DLG2: variants seen among roughly 807,000 people sequenced by gnomAD.
DLG2 encodes disks large homolog 2.
Under a neutral mutation model 132.5 loss-of-function variants are expected in DLG2, and 45 were observed. That is an observed-to-expected ratio of 0.34 (90% confidence interval 0.27 to 0.44). DLG2 has a LOEUF of 0.44. DLG2 is among the 20% of genes least tolerant of loss of function. DLG2 has a pLI of 1.00. For missense variants in DLG2, 1,045 were observed against 1,196.9 expected (o/e 0.87, Z 1.87); for synonymous variants, 424 against 419.6 (o/e 1.01, Z -0.13).
At chr11:85,032,432 T>C (rs145359253) in intron 6 of DLG2, among the ~76,000 whole-genome samples, 2,048 of 152,308 alleles carry the variant, frequency 0.013, 25 homozygotes, top group South Asian at 0.042. Flanking sequence ...AATATCCTGT[T>C]TGAGAATGAA....
chr11:84,781,811 C>T (rs1164040017), intron 6 of DLG2, among the ~76,000 whole-genome samples: 1 of 152,128 alleles, frequency 6.6e-6, no homozygotes, highest in Non-Finnish European at 1.5e-5. Flanking sequence ...TCCATGTCCT[C>T]AGTGCTGAAC....
chr11:83,525,119 T>C (rs745367964), intron 21 of DLG2, among the ~76,000 whole-genome samples: 2 of 152,182 alleles, frequency 1.3e-5, no homozygotes, highest in Non-Finnish European at 2.9e-5. Flanking sequence ...AAATAGACTA[T>C]GAGGAATACA....
intron 6 of DLG2, among the ~76,000 whole-genome samples, chr11:84,861,653 C>T (rs1284964633): frequency 1.3e-5 from 1 of 75,834 alleles, no homozygotes; most frequent in South Asian, 5.1e-4. Context: ...AAAAAAAAAC[C>T]TATCAGAGGG....
intron 3 of DLG2, among the ~76,000 whole-genome samples, chr11:85,446,059 C>G (rs185076306): frequency 6.6e-6 from 1 of 152,204 alleles, no homozygotes; most frequent in African/African-American, 2.4e-5. Context: ...ATCCCTTCCT[C>G]TTTAAGTAAA....
In DLG2 at chr11:83,633,781, CAA is replaced by C. The variant is rs1491061839; in HGVS notation, c.1826-458_1826-457del. Among the ~76,000 whole-genome samples the C allele has an allele frequency of 5.7e-4, 84 of 146,202 alleles. No individual in the cohort carries two copies. In the East Asian group the frequency reaches 9.4e-3, roughly 16 times the overall value. The stretch of plus-strand genomic sequence containing the variant: ...ACACACACACACACACACACACACA[CAA>C]CTGCGGAAAATCTGAATAATATCGA... On this transcript the variant is annotated intron_variant, in intron 18 of 27. Transcript: ENST00000376104.
intron 6 of DLG2, among the ~76,000 whole-genome samples, chr11:85,008,826 C>T (rs761431251): frequency 1.3e-5 from 2 of 151,822 alleles, no homozygotes; most frequent in Admixed American, 1.3e-4. Flanking sequence ...TAAACAAGAA[C>T]ATTTCATATA....
At chr11:83,681,377 G>A (rs898559952) in intron 18 of DLG2, among the ~76,000 whole-genome samples, 3 of 152,110 alleles carry the variant, frequency 2.0e-5, no homozygotes, top group African/African-American at 7.2e-5. Context: ...ACCCAAATGA[G>A]ACCAAAATGC....
chr11:84,377,125 A>T (rs2098732487), intron 7 of DLG2, among the ~76,000 whole-genome samples: 1 of 152,094 alleles, frequency 6.6e-6, no homozygotes, highest in East Asian at 1.9e-4. Context: ...TACATGCACC[A>T]TCTGTGAAGT....
intron 6 of DLG2, among the ~76,000 whole-genome samples, chr11:84,708,484 A>G (rs1195674342): frequency 2.6e-5 from 4 of 151,896 alleles, no homozygotes; most frequent in African/African-American, 9.7e-5. Context: ...TTCTAGTGGA[A>G]GAACAAAGGT....
chr11:85,092,699 G>T (rs2068993026), intron 6 of DLG2, among the ~76,000 whole-genome samples: 1 of 150,504 alleles, frequency 6.6e-6, no homozygotes, highest in South Asian at 2.1e-4. Context: ...CTGGAGTGCA[G>T]TGACACGATC....
At chr11:84,120,989 C>A (rs1213313982) in intron 9 of DLG2, among the ~76,000 whole-genome samples, 1 of 152,194 alleles carries the variant, frequency 6.6e-6, no homozygotes, top group Non-Finnish European at 1.5e-5. Flanking sequence ...ACTCTAATTT[C>A]TTTTGTCTTT....
chr11:84,584,200 T>G (rs1316985273), intron 6 of DLG2, among the ~76,000 whole-genome samples: 1 of 152,192 alleles, frequency 6.6e-6, no homozygotes, highest in Non-Finnish European at 1.5e-5. Context: ...TTCCTAATTT[T>G]ATACCTATAT....
chr11:84,514,288 C>G (rs948975699), intron 7 of DLG2, among the ~76,000 whole-genome samples: 1 of 151,968 alleles, frequency 6.6e-6, no homozygotes, highest in African/African-American at 2.4e-5. Flanking sequence ...TTTGGAAGTT[C>G]CTTTAAAAAC....
intron 14 of DLG2, among the ~76,000 whole-genome samples, chr11:83,940,452 T>G (rs1267187673): frequency 6.6e-6 from 1 of 152,164 alleles, no homozygotes; most frequent in Non-Finnish European, 1.5e-5. Context: ...TTATTAATCC[T>G]CCCATGAAAC....
intron 5 of DLG2, among the ~76,000 whole-genome samples, chr11:85,137,284 G>A (rs1002484944): frequency 6.6e-6 from 1 of 152,030 alleles, no homozygotes; most frequent in Non-Finnish European, 1.5e-5. Flanking sequence ...CTGAAGTACT[G>A]GGGTAAATAC....
At chr11:85,394,220 T>C (rs536322052) in intron 3 of DLG2, among the ~76,000 whole-genome samples, 8 of 152,324 alleles carry the variant, frequency 5.3e-5, no homozygotes, top group African/African-American at 1.7e-4. Context: ...AGGTAATATA[T>C]ATGTTAATTA....
rs764318252 is a variant in DLG2, at chr11:84,024,814, C to CT, written c.919+34500dup. Among the ~76,000 whole-genome samples, 884 of 135,708 alleles carry CT rather than the reference C, an allele frequency of 6.5e-3. 6 individuals carry two copies. The highest frequency in any genetic ancestry group is 0.018 in the African/African-American group (679 of 37,184). 89.0% of individuals were successfully genotyped at this position (135,708 alleles called of 152,430 possible). ...CTCAGACAGGGGGAATATATTTTTTCTTTTTTTTTTTTTGGGTTCTATTGC... is the reference window on the plus strand; with the variant it reads ...CTCAGACAGGGGGAATATATTTTTTCTTTTTTTTTTTTTTGGGTTCTATTGC... On this transcript the variant is annotated intron_variant, in intron 11 of 27. Transcript: ENST00000376104.
chr11:84,428,789 A>G (rs893025825), intron 7 of DLG2, among the ~76,000 whole-genome samples: 5 of 152,232 alleles, frequency 3.3e-5, no homozygotes, highest in African/African-American at 1.2e-4. Flanking sequence ...GATTCTCTAA[A>G]TAACTGGAAT....
intron 2 of DLG2, among the ~76,000 whole-genome samples, chr11:85,621,643 T>C (rs1050753042): frequency 1.3e-5 from 2 of 152,212 alleles, no homozygotes; most frequent in African/African-American, 4.8e-5. Context: ...GGAATGGAAA[T>C]AGCAAGAGAT....
Sources: allele counts gnomAD v4.1 joint callset (sites outside exome capture counted in the v4.1 genomes callset), GRCh38; gene constraint gnomAD v4.1.1; transcripts MANE v1.5; gene names NCBI Gene and HGNC (gene_info 2026-07-23, HGNC 2026-07-21).